The following SLC16A14 variants were observed in gnomAD, a reference collection of about 807,000 sequenced individuals.
SLC16A14 encodes monocarboxylate transporter 14.
A neutral mutation model predicts 35.8 loss-of-function variants in SLC16A14; 14 were observed. The observed-to-expected ratio is 0.39, with a 90% CI of 0.26 to 0.61. The LOEUF is 0.61. SLC16A14 is among the 20% of genes least tolerant of loss of function. The probability of loss-of-function intolerance (pLI) is 0.51; values close to 1 mark genes in which losing one functional copy is unlikely to be tolerated. For synonymous variants in SLC16A14, 248 were observed against 258.9 expected, an observed-to-expected ratio of 0.96 and a Z score of 0.40; for missense variants, 533 against 655.0, an observed-to-expected ratio of 0.81 and a Z score of 2.03.
chr2:230,064,427 A>G (rs1249520058), intron 1 of SLC16A14, among the ~76,000 whole-genome samples: 2 of 152,150 alleles, frequency 1.3e-5, no homozygotes, highest in Non-Finnish European at 2.9e-5. Context: ...CTTACAGCGC[A>G]GTGCAGAGCT....
At chr2:230,055,782 T>A (rs1157095993) in intron 2 of SLC16A14, among the ~76,000 whole-genome samples, 1 of 152,196 alleles carries the variant, frequency 6.6e-6, no homozygotes, top group East Asian at 1.9e-4. Flanking sequence ...TTCTTCTGAG[T>A]CTTTTTTTGA....
intron 2 of SLC16A14, 48 bp from the exon 3 acceptor site, chr2:230,049,952 T>G (rs1242584802): frequency 1.3e-6 from 2 of 1,588,420 alleles, no homozygotes; most frequent in African/African-American, 2.7e-5. Flanking sequence ...GCTTCCGTTT[T>G]ATTCTTTCTC....
At chr2:230,050,872 G>C (rs1288176781) in intron 2 of SLC16A14, among the ~76,000 whole-genome samples, 1 of 152,148 alleles carries the variant, frequency 6.6e-6, no homozygotes, top group Non-Finnish European at 1.5e-5. Flanking sequence ...GACCAAAAGG[G>C]AGTACAGGAA....
intron 2 of SLC16A14, among the ~76,000 whole-genome samples, chr2:230,050,317 A>G (rs1270119852): frequency 6.6e-6 from 1 of 152,220 alleles, no homozygotes; most frequent in Non-Finnish European, 1.5e-5. Context: ...CCACAGGACC[A>G]AAGTTAGTTG....
At position 230,059,099 on chromosome 2, in the gene SLC16A14, A is replaced by G; in HGVS notation, c.254T>C (p.Ile85Thr). The G allele has an allele frequency of 6.2e-7, 1 of 1,609,984 alleles. No individual in the cohort carries two copies. The highest frequency in any genetic ancestry group is 8.5e-7 in the Non-Finnish European group (1 of 1,178,196). Residue 85 changes from isoleucine to threonine, a missense_variant, in exon 2 of 5, where the codon ATA becomes ACA. Transcript: ENST00000295190. Reference sequence around the variant, plus strand: ...CAGGTCACACATGAACATACCCACTATCAAGGTGATGCCCATGCTGAGGGA... The same window carrying G: ...CAGGTCACACATGAACATACCCACTGTCAAGGTGATGCCCATGCTGAGGGA... Reference protein sequence around the residue: ...VSSLSMGITLIVGPFIGLFIN... With the variant: ...VSSLSMGITLTVGPFIGLFIN...
In SLC16A14 at chr2:230,059,233, A is replaced by G. The variant is rs2077731434; in HGVS notation, c.120T>C (p.Ser40=). ...CCATGATGAGGATGTGCACAAAGAAAGAGGAGAGCACCATCATCCAAGCCC... is the reference window on the plus strand; with the variant it reads ...CCATGATGAGGATGTGCACAAAGAAGGAGGAGAGCACCATCATCCAAGCCC... ...GGWAWMMVLS[S]FFVHILIMGS... Residue 40 remains serine (S), a synonymous_variant, in exon 2 of 5, where the codon TCT becomes TCC. Transcript: ENST00000295190. 1.9e-6 allele frequency: 3 copies of G among 1,614,104 alleles called. No individual in the cohort carries two copies. Among genetic ancestry groups the G allele is most frequent in the Admixed American group, 1.7e-5 (1 of 60,004 alleles).
intron 4 of SLC16A14, among the ~76,000 whole-genome samples, chr2:230,039,409 A>G (rs1414485717): frequency 1.3e-5 from 2 of 152,170 alleles, no homozygotes; most frequent in Non-Finnish European, 2.9e-5. Context: ...CAAGGGGGAC[A>G]AAAAAGATTA....
At chr2:230,049,618 G>C in intron 3 of SLC16A14, 143 bp downstream of exon 3, 1 of 832,134 alleles carries the variant, frequency 1.2e-6, no homozygotes, top group Non-Finnish European at 1.9e-6. Context: ...ATTTCCAGGA[G>C]TGTAGGGAGG....
chr2:230,055,310 C>T (rs550088980), intron 2 of SLC16A14, among the ~76,000 whole-genome samples: 58 of 152,260 alleles, frequency 3.8e-4, no homozygotes, highest in African/African-American at 1.3e-3. Flanking sequence ...TGGAAAGCTT[C>T]CCTGAGGCTG....
chr2:230,056,100 A>G (rs978685257), intron 2 of SLC16A14, among the ~76,000 whole-genome samples: 2 of 152,250 alleles, frequency 1.3e-5, no homozygotes, highest in African/African-American at 2.4e-5. Context: ...TCTGACATAC[A>G]TAATGGTGCC....
intron 2 of SLC16A14, among the ~76,000 whole-genome samples, chr2:230,057,728 GA>G (rs1391914513): frequency 3.3e-5 from 5 of 152,028 alleles, no homozygotes; most frequent in African/African-American, 9.7e-5. Context: ...ATTTCAAATT[GA>G]AAACATCAGA....
chr2:230,043,515 G>A (rs1449510147), intron 4 of SLC16A14, among the ~76,000 whole-genome samples: 1 of 152,218 alleles, frequency 6.6e-6, no homozygotes, highest in African/African-American at 2.4e-5. Flanking sequence ...ATTCCTGCCA[G>A]AAGGTATTAG....
Position 230,058,044 on chromosome 2 carries a change from T to A in SLC16A14, c.259+1050A>T, listed in dbSNP as rs867805284. Reference sequence around the variant, plus strand: ...ACTCTGTCTTAAAAAAAAAAAAATATATCAGAACTCTGAAATGAGATTGTT... The same window carrying A: ...ACTCTGTCTTAAAAAAAAAAAAATAAATCAGAACTCTGAAATGAGATTGTT... On this transcript the variant is annotated intron_variant, in intron 2 of 4. Transcript: ENST00000295190. Among the ~76,000 whole-genome samples, 394 of 151,114 alleles carry A rather than the reference T, an allele frequency of 2.6e-3. 2 individuals carry two copies. Among genetic ancestry groups the A allele is most frequent in the African/African-American group, 9.2e-3 (379 of 41,106 alleles).
intron 1 of SLC16A14, 42 bp from the exon 2 acceptor site, chr2:230,059,408 GA>G: frequency 6.9e-7 from 1 of 1,440,538 alleles, no homozygotes; most frequent in Non-Finnish European, 9.4e-7. Flanking sequence ...ACATCAAAAG[GA>G]AAAATATCTT....
Position 230,046,720 on chromosome 2 carries a change from G to A in SLC16A14, c.406C>T (p.Leu136=), listed in dbSNP as rs1164866736. Residue 136 remains leucine (L), a splice_region_variant and synonymous_variant, in exon 4 of 5, where the codon CTG becomes TTG. Transcript: ENST00000295190. The surrounding 1 kb of genome is among the most constrained non-coding windows in gnomAD (Gnocchi z 5.0). ...GGCAGGTAGGCCATCCCGCTGCCCA[G>A]GCCTGTACAGGCCGACGGGGGGAAG... ...LFITFGVAAG[L]GSGMAYLPAV... is the part of the protein sequence containing the mutation. 6.3e-7 allele frequency: 1 copy of A among 1,590,032 alleles called. No individual in the cohort carries two copies. Among genetic ancestry groups the A allele is most frequent in the East Asian group, 2.2e-5 (1 of 44,676 alleles).
chr2:230,058,135 G>A (rs1401030079), intron 2 of SLC16A14: 1 of 151,764 alleles, frequency 6.6e-6, no homozygotes, highest in Non-Finnish European at 1.5e-5. Context: ...TGTTAAACAA[G>A]CAGAGATTTA....
At chr2:230,064,007 G>T (rs1049455623) in intron 1 of SLC16A14, among the ~76,000 whole-genome samples, 1 of 151,728 alleles carries the variant, frequency 6.6e-6, no homozygotes, top group Admixed American at 6.6e-5. Context: ...AGAGGTGGGA[G>T]AATTGCTTGA....
At chr2:230,062,231 C>T (rs2077757307) in intron 1 of SLC16A14, among the ~76,000 whole-genome samples, 1 of 152,002 alleles carries the variant, frequency 6.6e-6, no homozygotes, top group African/African-American at 2.4e-5. Flanking sequence ...TAGAGCTTTT[C>T]TCAGGAGTGT....
Position 230,046,771 on chromosome 2 carries a change from C to T in SLC16A14, c.404-49G>A, listed in dbSNP as rs769198938. ...AAAAGACACAGTGCAACATCAGTGG[C>T]CATATCCAGAATTCGCAGCAAAGAT... On this transcript the variant is annotated intron_variant, in intron 3 of 4. Transcript: ENST00000295190. The surrounding 1 kb of genome is among the most constrained non-coding windows in gnomAD (Gnocchi z 5.0). The T allele has an allele frequency of 3.3e-6, 5 of 1,522,236 alleles. No individual in the cohort carries two copies. The East Asian group carries it at 6.8e-5, about 21-fold the overall frequency. The allele number at this position is 1,522,236 out of a possible 1,614,324, so 94.3% of individuals were successfully genotyped here.
Sources: gnomAD v4.1 joint callset for allele counts (sites outside exome capture counted in the v4.1 genomes callset) on GRCh38, gnomAD v4.1.1 for gene constraint, Gnocchi (gnomAD v3.1) non-coding constraint, MANE v1.5 for transcripts, NCBI Gene and HGNC (gene_info 2026-07-23, HGNC 2026-07-21) for gene names.